UST: variants seen among roughly 807,000 people sequenced by gnomAD.
The protein encoded by UST is chondroitin sulfate 2-O-sulfotransferase.
UST carries 21 observed loss-of-function variants against 45.6 expected under a neutral mutation model. The ratio of observed to expected loss-of-function variants is 0.46; its 90% CI spans 0.33 to 0.66. The LOEUF (loss-of-function observed/expected upper bound fraction) is 0.66. UST is among the 30% of genes least tolerant of loss of function. The pLI is 0.02. For missense variants in UST, 463 were observed against 512.4 expected, an observed-to-expected ratio of 0.90 and a Z score of 0.93; for synonymous variants, 215 against 200.6, an observed-to-expected ratio of 1.07 and a Z score of -0.61.
At chr6:148,978,689 G>A (rs1365987201) in intron 5 of UST, among the ~76,000 whole-genome samples, 1 of 152,124 alleles carries the variant, frequency 6.6e-6, no homozygotes, top group Non-Finnish European at 1.5e-5. Flanking sequence ...GGGGGAAAGG[G>A]GAGGGAGAGC....
intron 5 of UST, among the ~76,000 whole-genome samples, chr6:148,988,204 A>G (rs577237884): frequency 6.6e-6 from 1 of 152,260 alleles, no homozygotes; most frequent in East Asian, 1.9e-4. Context: ...GGCAGGAGGT[A>G]GCAAGAACTG....
chr6:148,916,438 T>C (rs1779592320), intron 2 of UST, among the ~76,000 whole-genome samples: 2 of 152,124 alleles, frequency 1.3e-5, no homozygotes, highest in South Asian at 4.1e-4. Context: ...AGTTGCTTCA[T>C]TATAGAGAGT....
At chr6:149,022,567 T>C (rs1775995068) in intron 7 of UST, among the ~76,000 whole-genome samples, 1 of 151,788 alleles carries the variant, frequency 6.6e-6, no homozygotes, top group South Asian at 2.1e-4. Flanking sequence ...GCCACTGCAC[T>C]CCAGCCTAGG....
At chr6:148,868,767 A>T (rs1281282288) in intron 1 of UST, among the ~76,000 whole-genome samples, 6 of 152,190 alleles carry the variant, frequency 3.9e-5, no homozygotes, top group Non-Finnish European at 1.5e-5. Flanking sequence ...GAAGACTGTG[A>T]CAGGCCATTC....
chr6:148,809,944 A>C (rs1777223392), intron 1 of UST, among the ~76,000 whole-genome samples: 1 of 152,222 alleles, frequency 6.6e-6, no homozygotes, highest in Non-Finnish European at 1.5e-5. Context: ...CAGCTGCAAC[A>C]GTATCATGTA....
chr6:148,881,740 A>G (rs9485337), intron 1 of UST, among the ~76,000 whole-genome samples: 28,944 of 152,080 alleles, frequency 0.19, 3,039 homozygotes, highest in African/African-American at 0.29. Context: ...GACAAGGCAG[A>G]GTAGCCAGAA....
chr6:149,043,653 G>A (rs1002265891), intron 7 of UST, among the ~76,000 whole-genome samples: 1 of 152,256 alleles, frequency 6.6e-6, no homozygotes, highest in African/African-American at 2.4e-5. Context: ...GGAGCCACTG[G>A]CTGCTGTCAG....
At chr6:148,985,550 C>T (rs1781223731) in intron 5 of UST, among the ~76,000 whole-genome samples, 2 of 152,118 alleles carry the variant, frequency 1.3e-5, no homozygotes, top group African/African-American at 4.8e-5. Context: ...AAAACGTAAC[C>T]ATTAGATTTC....
intron 1 of UST, among the ~76,000 whole-genome samples, chr6:148,863,432 A>G (rs1286434596): frequency 6.6e-6 from 1 of 152,062 alleles, no homozygotes; most frequent in African/African-American, 2.4e-5. Context: ...CTTCTTTGCG[A>G]TGGGTTCGAG....
intron 5 of UST, among the ~76,000 whole-genome samples, chr6:149,007,017 T>C (rs1775721090): frequency 6.6e-6 from 1 of 152,170 alleles, no homozygotes; most frequent in Non-Finnish European, 1.5e-5. Flanking sequence ...TGACTTCTCT[T>C]AACTGGACTT....
chr6:149,023,324 G>A (rs1776007448), intron 7 of UST, among the ~76,000 whole-genome samples: 1 of 152,164 alleles, frequency 6.6e-6, no homozygotes, highest in African/African-American at 2.4e-5. Context: ...TATGGATGAA[G>A]AGAGGTTCAC....
chr6:148,813,580 C>T (rs879324394), intron 1 of UST, among the ~76,000 whole-genome samples: 38 of 152,112 alleles, frequency 2.5e-4, no homozygotes, highest in Non-Finnish European at 5.3e-4. Flanking sequence ...TGGGGTTTCA[C>T]CATGTTGGCC....
At chr6:149,037,940 C>CAGA (rs1776259765) in intron 7 of UST, among the ~76,000 whole-genome samples, 2 of 152,196 alleles carry the variant, frequency 1.3e-5, no homozygotes, top group African/African-American at 2.4e-5. Context: ...CCTAAGGCAT[C>CAGA]TGGGGCCTCC....
intron 1 of UST, among the ~76,000 whole-genome samples, chr6:148,761,400 A>G (rs1776217751): frequency 6.6e-6 from 1 of 151,940 alleles, no homozygotes; most frequent in Non-Finnish European, 1.5e-5. Context: ...GCCTGAAAGT[A>G]TTTTCTCAGT....
rs34342100 is a variant in UST, at chr6:148,748,399, T to TTGTGTG, written c.247+771_247+776dup. ...GTGCGTCTCAAGCTCAAGTCAAAAC[T>TTGTGTG]TGTGTGTGTGTGTGTGTGTGTGTGT... On this transcript the variant is annotated intron_variant, in intron 1 of 7. Coordinates refer to ENST00000367463, the MANE Select transcript of UST (RefSeq NM_005715.3). This position sits in a 1 kb window ranked among gnomAD's most constrained non-coding sequence, Gnocchi z 5.3. 0.01 allele frequency among the ~76,000 whole-genome samples: 1,321 copies of TTGTGTG among 127,564 alleles called. 14 individuals are homozygous for TTGTGTG. Among genetic ancestry groups the TTGTGTG allele is most frequent in the Non-Finnish European group, 0.012 (718 of 60,878 alleles). The allele number at this position is 127,564 out of a possible 152,430, so 83.7% of individuals were successfully genotyped here.
intron 1 of UST, among the ~76,000 whole-genome samples, chr6:148,765,428 G>A (rs1350289635): frequency 3.3e-5 from 5 of 152,146 alleles, no homozygotes; most frequent in African/African-American, 1.2e-4. Context: ...TTTTTGCTTA[G>A]GATTGCTTTG....
intron 5 of UST, chr6:148,993,124 A>T (rs1781386824): frequency 1.1e-6 from 1 of 950,722 alleles, no homozygotes; most frequent in African/African-American, 1.8e-5. Context: ...TAAATGCCCA[A>T]ATTCTGAATG....
At chr6:148,930,480 TA>T in intron 2 of UST, among the ~76,000 whole-genome samples, 1 of 152,332 alleles carries the variant, frequency 6.6e-6, no homozygotes, top group East Asian at 1.9e-4. Flanking sequence ...TAGCACGCAG[TA>T]AATGCTCAAT....
chr6:148,758,173 C>T (rs899737834), intron 1 of UST, among the ~76,000 whole-genome samples: 1 of 152,150 alleles, frequency 6.6e-6, no homozygotes, highest in Non-Finnish European at 1.5e-5. Context: ...AACCTGACTT[C>T]CAATTGAAAG....
Sources: gnomAD v4.1 joint callset for allele counts (sites outside exome capture counted in the v4.1 genomes callset) on GRCh38, gnomAD v4.1.1 for gene constraint, Gnocchi (gnomAD v3.1) non-coding constraint, MANE v1.5 for transcripts, NCBI Gene and HGNC (gene_info 2026-07-23, HGNC 2026-07-21) for gene names.